PITPNC1: variants seen among roughly 807,000 people sequenced by gnomAD.
PITPNC1 encodes the protein cytoplasmic phosphatidylinositol transfer protein 1.
Under a neutral mutation model 44.7 loss-of-function variants are expected in PITPNC1, and 18 were observed. The observed-to-expected ratio is 0.40, with a 90% confidence interval of 0.28 to 0.60. The LOEUF (loss-of-function observed/expected upper bound fraction) is 0.60, where lower values mean the gene tolerates loss of function less well. Ranked by LOEUF, PITPNC1 falls within the 20% of genes least tolerant of loss-of-function variation. The probability of loss-of-function intolerance (pLI) is 0.39; values close to 1 mark genes in which losing one functional copy is unlikely to be tolerated. For synonymous variants in PITPNC1, 141 were observed against 149.6 expected (o/e 0.94, Z 0.42); for missense variants, 290 against 418.4 (o/e 0.69, Z 2.68).
At chr17:67,602,720 A>T (rs888094254) in intron 5 of PITPNC1, among the ~76,000 whole-genome samples, 5 of 151,890 alleles carry the variant, frequency 3.3e-5, no homozygotes, top group Non-Finnish European at 5.9e-5. Context: ...TCTACAAGTG[A>T]CCACTAACCT....
At chr17:67,500,228 C>T (rs533934134) in intron 1 of PITPNC1, among the ~76,000 whole-genome samples, 1 of 152,188 alleles carries the variant, frequency 6.6e-6, no homozygotes, top group African/African-American at 2.4e-5. Context: ...AACATTAAGG[C>T]CTTACCCTTT....
At chr17:67,644,304 C>T (rs1396844011) in intron 6 of PITPNC1, among the ~76,000 whole-genome samples, 1 of 152,040 alleles carries the variant, frequency 6.6e-6, no homozygotes, top group East Asian at 1.9e-4. Context: ...CTATAGAAAA[C>T]TAACATTTAA....
At chr17:67,379,298 G>A (rs2037922226) in intron 1 of PITPNC1, 1 of 985,172 alleles carries the variant, frequency 1.0e-6, no homozygotes, top group Admixed American at 6.2e-5. Flanking sequence ...TGGTGAGAGG[G>A]GCGATGTGCT....
intron 3 of PITPNC1, 59 bp downstream of exon 3, chr17:67,552,404 G>T (rs1394521886): frequency 2.3e-6 from 2 of 880,912 alleles, no homozygotes; most frequent in Non-Finnish European, 3.9e-6. Flanking sequence ...TAGCATAGTT[G>T]AATTTCACTG....
At chr17:67,484,710 G>A (rs2039753156) in intron 1 of PITPNC1, among the ~76,000 whole-genome samples, 1 of 152,154 alleles carries the variant, frequency 6.6e-6, no homozygotes, top group African/African-American at 2.4e-5. Flanking sequence ...GGCCGAGGTG[G>A]GCGGATCACT....
intron 5 of PITPNC1, among the ~76,000 whole-genome samples, chr17:67,631,657 A>AAAAAATATAT (rs1555574522): frequency 1.4e-3 from 11 of 7,680 alleles, no homozygotes; most frequent in South Asian, 7.9e-3. Flanking sequence ...AAAAAAAAAA[A>AAAAAATATAT]ATATATATAT....
chr17:67,469,619 G>T (rs927442752), intron 1 of PITPNC1, among the ~76,000 whole-genome samples: 1 of 152,070 alleles, frequency 6.6e-6, no homozygotes, highest in Non-Finnish European at 1.5e-5. Flanking sequence ...GTTCAGGTGC[G>T]GGTCATCAGG....
intron 4 of PITPNC1, among the ~76,000 whole-genome samples, chr17:67,561,753 GTTA>G (rs2040910108): frequency 6.6e-6 from 1 of 152,108 alleles, no homozygotes; most frequent in East Asian, 1.9e-4. Flanking sequence ...TCCCATCTCT[GTTA>G]TTATTATTTT....
At chr17:67,589,023 G>A (rs1171409675) in intron 5 of PITPNC1, among the ~76,000 whole-genome samples, 2 of 152,164 alleles carry the variant, frequency 1.3e-5, no homozygotes, top group African/African-American at 4.8e-5. Flanking sequence ...TAAAAAGGAG[G>A]TTGCACAAAA....
chr17:67,416,203 CTTTTTTTTTT>C (rs71687631), intron 1 of PITPNC1, among the ~76,000 whole-genome samples: 20 of 67,626 alleles, frequency 3.0e-4, no homozygotes, highest in African/African-American at 1.3e-3. Context: ...ACATGTATTG[CTTTTTTTTTT>C]TTTTTTTTTT....
intron 1 of PITPNC1, among the ~76,000 whole-genome samples, chr17:67,385,875 C>T (rs2038040702): frequency 1.3e-5 from 2 of 152,162 alleles, no homozygotes; most frequent in Non-Finnish European, 2.9e-5. Context: ...GAAATTGACT[C>T]TGTCCATGAA....
intron 1 of PITPNC1, among the ~76,000 whole-genome samples, chr17:67,420,965 A>G (rs566244791): frequency 1.5e-4 from 23 of 152,304 alleles, no homozygotes; most frequent in African/African-American, 4.8e-4. Flanking sequence ...ACCAGCCATG[A>G]ATGATACATT....
intron 1 of PITPNC1, among the ~76,000 whole-genome samples, chr17:67,494,836 G>A (rs921227346): frequency 6.6e-6 from 1 of 151,848 alleles, no homozygotes; most frequent in Non-Finnish European, 1.5e-5. Flanking sequence ...GTCGGACGTG[G>A]TGCTGCATGC....
Position 67,508,780 on chromosome 17 carries a change from G to A in PITPNC1, c.49-24022G>A, listed in dbSNP as rs1230970464. 6.6e-6 allele frequency among the ~76,000 whole-genome samples: 1 copy of A among 152,128 alleles called. No homozygotes were observed. Among genetic ancestry groups the A allele is most frequent in the African/African-American group, 2.4e-5 (1 of 41,418 alleles). ...GCCAGGGGCCAGAGGGGAGGGAAACGGGGAGCTGTTGTTTAAAGAGTGTAG... is the reference window on the plus strand; with the variant it reads ...GCCAGGGGCCAGAGGGGAGGGAAACAGGGAGCTGTTGTTTAAAGAGTGTAG... On this transcript the variant is annotated intron_variant, in intron 1 of 8. Coordinates refer to ENST00000581322, the MANE Select transcript of PITPNC1 (RefSeq NM_012417.4). The surrounding 1 kb of genome is among the most constrained non-coding windows in gnomAD (Gnocchi z 4.2).
intron 1 of PITPNC1, among the ~76,000 whole-genome samples, chr17:67,397,156 T>A (rs1170108276): frequency 6.6e-6 from 1 of 151,678 alleles, no homozygotes; most frequent in African/African-American, 2.4e-5. Flanking sequence ...AATTTTTGTA[T>A]TTTTAGTATA....
At chr17:67,538,534 A>T (rs962441253) in intron 2 of PITPNC1, among the ~76,000 whole-genome samples, 2 of 151,940 alleles carry the variant, frequency 1.3e-5, no homozygotes, top group African/African-American at 2.4e-5. Flanking sequence ...CTAGAGGTGG[A>T]GGTTGCAATG....
intron 1 of PITPNC1, among the ~76,000 whole-genome samples, chr17:67,411,422 C>T (rs2038494594): frequency 6.6e-6 from 1 of 152,080 alleles, no homozygotes; most frequent in Non-Finnish European, 1.5e-5. Flanking sequence ...TAAAGAAAGT[C>T]TCCTAGAAGG....
intron 5 of PITPNC1, among the ~76,000 whole-genome samples, chr17:67,584,038 C>T (rs982827469): frequency 2.0e-5 from 3 of 151,772 alleles, no homozygotes; most frequent in Admixed American, 1.3e-4. Context: ...CATGCCCGGC[C>T]GGCATTGGGA....
intron 1 of PITPNC1, among the ~76,000 whole-genome samples, chr17:67,409,157 T>C (rs1484456883): frequency 4.2e-5 from 6 of 142,358 alleles, no homozygotes; most frequent in African/African-American, 1.6e-4. Context: ...CAATCTCGGC[T>C]CACTGCAAGC....
Sources: allele counts gnomAD v4.1 joint callset (sites outside exome capture counted in the v4.1 genomes callset), GRCh38; gene constraint gnomAD v4.1.1; non-coding constraint Gnocchi (gnomAD v3.1); transcripts MANE v1.5; gene names NCBI Gene and HGNC (gene_info 2026-07-23, HGNC 2026-07-21).